TRIM29: variants seen among roughly 807,000 people sequenced by gnomAD.
TRIM29 encodes tripartite motif-containing protein 29.
A neutral mutation model predicts 57.3 loss-of-function variants in TRIM29; 52 were observed. The observed-to-expected ratio is 0.91, with a 90% confidence interval of 0.73 to 1.14. TRIM29 has a LOEUF of 1.14. Among genes scored for constraint, TRIM29 ranks in the 50% most tolerant of loss-of-function variants. TRIM29 has a pLI of 0.00. For missense variants in TRIM29, 753 were observed against 774.6 expected (o/e 0.97, Z 0.33); for synonymous variants, 319 against 316.9 (o/e 1.01, Z -0.07).
chr11:120,128,805 G>T, intron 1 of TRIM29: 1 of 1,529,712 alleles, frequency 6.5e-7, no homozygotes. Flanking sequence ...GAGCAGGAGG[G>T]AAACTCATTT....
chr11:120,113,904 A>T (rs1863200922), intron 8 of TRIM29, among the ~76,000 whole-genome samples: 1 of 152,190 alleles, frequency 6.6e-6, no homozygotes, highest in Admixed American at 6.5e-5. Context: ...GGTGGGCATC[A>T]GGGCAAAATG....
intron 8 of TRIM29, chr11:120,113,683 C>A: frequency 2.2e-6 from 1 of 456,168 alleles, no homozygotes; most frequent in Non-Finnish European, 4.4e-6. Flanking sequence ...AAACTGAGAC[C>A]CAGGGAGGGG....
At chr11:120,120,107 C>G (rs906548766) in intron 6 of TRIM29, among the ~76,000 whole-genome samples, 1 of 152,076 alleles carries the variant, frequency 6.6e-6, no homozygotes. Flanking sequence ...CACTGTACGA[C>G]TTTTCACTGC....
chr11:120,137,481 A>T lies in TRIM29; in HGVS notation c.551T>A (p.Val184Asp). 1 of 1,602,602 alleles carries T rather than the reference A, an allele frequency of 6.2e-7. No homozygotes were observed. Among genetic ancestry groups the T allele is most frequent in the South Asian group, 1.1e-5 (1 of 91,002 alleles). ...GGCCTGGCACACCAGGCAGGACTTG[A>T]CCGCCTTCTGCTTGTTGCCGATGCA... is the stretch of plus-strand genomic sequence containing the variant. ...DSCIGNKQKA[V>D]KSCLVCQASF... The change falls in exon 1 of 9, where the codon GTC (valine) becomes GAC (aspartate). Residue 184 changes from valine (V) to aspartate (D), a missense_variant. Transcript: ENST00000341846. This position sits in a 1 kb window ranked among gnomAD's most constrained non-coding sequence, Gnocchi z 6.2.
At position 120,134,516 on chromosome 11, in the gene TRIM29, C is replaced by A. The variant is rs545532786; in HGVS notation, c.804+2712G>T. ...ATCTACCCACTAACCCTGCTCTGTG[C>A]CAATGTCCCCCACCTGTGACATTCC... On this transcript the variant is annotated intron_variant, in intron 1 of 8. Coordinates refer to ENST00000341846, the MANE Select transcript of TRIM29 (RefSeq NM_012101.4). Among the ~76,000 whole-genome samples the A allele has an allele frequency of 2.0e-5, 3 of 152,358 alleles. No individual in the cohort carries two copies. In the East Asian group the frequency reaches 5.8e-4, roughly 29 times the overall value.
In TRIM29 at chr11:120,127,570, C is replaced by T. The variant is rs932513822; in HGVS notation, c.901-1G>A. ...TGGCCTTCTCATTGGTGGTGAAGCT[C>T]TGGAGGTCCAGAGTCAGGGAAGAGA... On this transcript the variant is annotated splice_acceptor_variant, in intron 2 of 8. Transcript: ENST00000341846. LOFTEE classifies it high-confidence loss of function. 6 of 1,613,196 alleles carry T rather than the reference C, an allele frequency of 3.7e-6. No individual in the cohort carries two copies. The highest frequency in any genetic ancestry group is 5.1e-6 in the Non-Finnish European group (6 of 1,179,566).
chr11:120,112,016 C>T lies in TRIM29; in HGVS notation c.*398G>A, dbSNP rs143864244. On this transcript the variant is annotated 3_prime_UTR_variant, in exon 9 of 9. Coordinates refer to ENST00000341846, the MANE Select transcript of TRIM29 (RefSeq NM_012101.4). Reference sequence around the variant, plus strand: ...TGGGGGATAGGGCCTTGGAGAGAAACGTCTATAGGCCTGGAGACAGCAGGG... The same window carrying T: ...TGGGGGATAGGGCCTTGGAGAGAAATGTCTATAGGCCTGGAGACAGCAGGG... 7.2e-4 allele frequency: 165 copies of T among 229,064 alleles called. No individual in the cohort carries two copies. Among genetic ancestry groups the T allele is most frequent in the Non-Finnish European group, 1.3e-3 (150 of 115,614 alleles). 14.2% of individuals were successfully genotyped at this position (229,064 alleles called of 1,614,324 possible).
chr11:120,111,977 T>A lies in TRIM29; in HGVS notation c.*437A>T. On this transcript the variant is annotated 3_prime_UTR_variant, in exon 9 of 9. Coordinates refer to ENST00000341846, the MANE Select transcript of TRIM29 (RefSeq NM_012101.4). ...GATGGGTGGCTGTGCTGTCCAGGCA[T>A]CTGCTGACAACATTGGGGGATAGGG... 1 of 198,934 alleles carries A rather than the reference T, an allele frequency of 5.0e-6. No individual in the cohort carries two copies. Among genetic ancestry groups the A allele is most frequent in the South Asian group, 8.8e-5 (1 of 11,392 alleles). 12.3% of individuals were successfully genotyped at this position (198,934 alleles called of 1,614,324 possible).
At chr11:120,121,634 T>C (rs1863447651) in intron 5 of TRIM29, 1 of 182,532 alleles carries the variant, frequency 5.5e-6, no homozygotes, top group Non-Finnish European at 1.2e-5. Context: ...CAACCTCCCC[T>C]CTCTTCAGAT....
rs911937620 is a variant in TRIM29, at chr11:120,112,082, C to T, written c.*332G>A. 1 of 340,164 alleles carries T rather than the reference C, an allele frequency of 2.9e-6. No homozygotes were observed. The highest frequency in any genetic ancestry group is 9.4e-4 in the Middle Eastern group (1 of 1,064). 21.1% of individuals were successfully genotyped at this position (340,164 alleles called of 1,614,324 possible). A position where few individuals can be genotyped will look rare whatever the true frequency, so the allele number is the denominator to read the frequency against. Reference sequence around the variant, plus strand: ...CAGGCTGATACCATGCGGGTACTCACTGCTAGCCCCCAGATCCAGCCCGAG... The same window carrying T: ...CAGGCTGATACCATGCGGGTACTCATTGCTAGCCCCCAGATCCAGCCCGAG... On this transcript the variant is annotated 3_prime_UTR_variant, in exon 9 of 9. Coordinates refer to ENST00000341846, the MANE Select transcript of TRIM29 (RefSeq NM_012101.4).
rs372899171 is a variant in TRIM29 at position 120,118,207 on chromosome 11, G to A, written c.1627+16C>T. 43 of 1,610,640 alleles carry A rather than the reference G, an allele frequency of 2.7e-5. No individual in the cohort carries two copies. The African/African-American group carries it at 5.6e-4, about 21-fold the overall frequency. Reference sequence around the variant, plus strand: ...CAGCTGTGGAGGAAAGCAGGGGCCAGGGTGGGCAAGCTCACCTTTCAGGGA... The same window carrying A: ...CAGCTGTGGAGGAAAGCAGGGGCCAAGGTGGGCAAGCTCACCTTTCAGGGA... On this transcript the variant is annotated intron_variant, in intron 7 of 8. Transcript: ENST00000341846.
intron 7 of TRIM29, chr11:120,117,093 C>T (rs1863291281): frequency 2.5e-6 from 1 of 395,792 alleles, no homozygotes; most frequent in Non-Finnish European, 5.0e-6. Flanking sequence ...TGGCACAGCG[C>T]TGGTCCCAGA....
chr11:120,121,040 C>T, intron 5 of TRIM29: 1 of 370,232 alleles, frequency 2.7e-6, no homozygotes, highest in South Asian at 2.1e-5. Context: ...CCTCACTTCA[C>T]AAGTGCTTTC....
intron 1 of TRIM29, among the ~76,000 whole-genome samples, chr11:120,132,168 C>A (rs1863735327): frequency 6.6e-6 from 1 of 151,704 alleles, no homozygotes. Context: ...CCCATGCTCC[C>A]TTCACCTTGC....
intron 8 of TRIM29, among the ~76,000 whole-genome samples, chr11:120,115,073 T>TA (rs1863233184): frequency 6.6e-6 from 1 of 152,004 alleles, no homozygotes; most frequent in African/African-American, 2.4e-5. Context: ...ATTTGCCAAA[T>TA]AAAAAAATCA....
At position 120,137,773 on chromosome 11, in the gene TRIM29, C is replaced by T. The variant is rs762137555; in HGVS notation, c.259G>A (p.Asp87Asn). 103 of 1,612,062 alleles carry T rather than the reference C, an allele frequency of 6.4e-5. 1 individual carries two copies. The highest frequency in any genetic ancestry group is 7.8e-5 in the Non-Finnish European group (92 of 1,180,028). Reference sequence around the variant, plus strand: ...CTGAAGTAGTTGGAGTTCTTGTCGTCCCCGGACTCGACAAACTGGATGATG... The same window carrying T: ...CTGAAGTAGTTGGAGTTCTTGTCGTTCCCGGACTCGACAAACTGGATGATG... ...RPIIQFVESGDDKNSNYFSMD... is the reference protein window; with the variant it reads ...RPIIQFVESGNDKNSNYFSMD... Residue 87 changes from aspartate (D) to asparagine (N), a missense_variant, in exon 1 of 9, where the codon GAC becomes AAC. By Grantham distance (23) the Asp-to-Asn change is conservative. Transcript: ENST00000341846. This position sits in a 1 kb window ranked among gnomAD's most constrained non-coding sequence, Gnocchi z 6.2.
chr11:120,120,767 C>A, intron 5 of TRIM29, 102 bp from the exon 6 acceptor site: 1 of 929,558 alleles, frequency 1.1e-6, no homozygotes, highest in Non-Finnish European at 1.7e-6. Context: ...ACCTGGATTC[C>A]ACCACTGAGA....
chr11:120,132,302 T>C (rs1863737276), intron 1 of TRIM29, among the ~76,000 whole-genome samples: 1 of 151,890 alleles, frequency 6.6e-6, no homozygotes, highest in Admixed American at 6.6e-5. Flanking sequence ...CAGAAAGTGG[T>C]TGAAGGCCCT....
intron 4 of TRIM29, chr11:120,124,249 G>A (rs149930339): frequency 2.4e-3 from 365 of 152,768 alleles, no homozygotes; most frequent in Non-Finnish European, 3.6e-3. Flanking sequence ...GCGGCCAGGA[G>A]CCTGAACAGT....
Sources: allele counts gnomAD v4.1 joint callset (sites outside exome capture counted in the v4.1 genomes callset), GRCh38; gene constraint gnomAD v4.1.1; non-coding constraint Gnocchi (gnomAD v3.1); transcripts MANE v1.5; gene names NCBI Gene and HGNC (gene_info 2026-07-23, HGNC 2026-07-21).